TP53BP2: variants seen among roughly 807,000 people sequenced by gnomAD.
TP53BP2 encodes the protein tumor protein p53 binding protein 2, also known as apoptosis-stimulating of p53 protein 2.
In TP53BP2, 62 loss-of-function variants were observed where a neutral mutation model predicts 126.2. That is an observed-to-expected ratio of 0.49 (90% CI 0.40 to 0.61). The LOEUF (loss-of-function observed/expected upper bound fraction) is 0.61. Among genes scored for constraint, TP53BP2 ranks in the 20% least tolerant of loss-of-function variants. The pLI is 0.00. For synonymous variants in TP53BP2, 485 were observed against 502.9 expected (o/e 0.96, Z 0.48); for missense variants, 1,215 against 1,402.8 (o/e 0.87, Z 2.14).
intron 2 of TP53BP2, among the ~76,000 whole-genome samples, chr1:223,815,577 A>G (rs1663056860): frequency 6.6e-6 from 1 of 152,232 alleles, no homozygotes; most frequent in South Asian, 2.1e-4. Flanking sequence ...GGACTGCCCC[A>G]GAAAGATATG....
intron 1 of TP53BP2, among the ~76,000 whole-genome samples, chr1:223,829,595 T>C (rs1276158596): frequency 6.6e-6 from 1 of 152,044 alleles, no homozygotes; most frequent in East Asian, 1.9e-4. Context: ...CCAAGCAAAA[T>C]GGGGTTCCCT....
At chr1:223,809,684 T>C (rs1267993049) in intron 4 of TP53BP2, among the ~76,000 whole-genome samples, 1 of 152,194 alleles carries the variant, frequency 6.6e-6, no homozygotes, top group Non-Finnish European at 1.5e-5. Flanking sequence ...AATTCTACTA[T>C]AAATGTACTG....
intron 3 of TP53BP2, 103 bp downstream of exon 3, chr1:223,814,137 C>G: frequency 1.2e-6 from 1 of 802,038 alleles, no homozygotes; most frequent in Non-Finnish European, 2.1e-6. Context: ...CTAACCTCTC[C>G]TTCACCTCTC....
intron 16 of TP53BP2, among the ~76,000 whole-genome samples, chr1:223,787,925 C>T (rs1425483331): frequency 1.3e-5 from 2 of 151,684 alleles, no homozygotes; most frequent in African/African-American, 4.8e-5. Flanking sequence ...AAAAATTAGC[C>T]AGGTGTGGTG....
chr1:223,798,498 C>A lies in TP53BP2; in HGVS notation c.1665G>T (p.Gln555His). 5 of 1,614,172 alleles carry A rather than the reference C, an allele frequency of 3.1e-6. No individual in the cohort carries two copies. In the South Asian group the frequency reaches 5.5e-5, roughly 18 times the overall value. The change falls in exon 12 of 18, where the codon CAG becomes CAT. Residue 555 changes from glutamine to histidine, a missense_variant. Physicochemically the swap from Gln to His is conservative, Grantham distance 24. Coordinates refer to ENST00000343537, the MANE Select transcript of TP53BP2 (RefSeq NM_001031685.3). ...SMGTKPKPAG[Q>H]QPRVLLSPSI... is the part of the protein sequence containing the mutation. The stretch of plus-strand genomic sequence containing the variant: ...TGGGAGATAGCAGCACTCTCGGCTG[C>A]TGCCCTGCTGGTTTTGGTTTAGTTC...
At chr1:223,840,606 A>G (rs1664071344) in intron 1 of TP53BP2, among the ~76,000 whole-genome samples, 3 of 152,232 alleles carry the variant, frequency 2.0e-5, no homozygotes, top group African/African-American at 7.2e-5. Context: ...AAGACTTTTT[A>G]AAGAGTGCCA....
At chr1:223,795,685 A>C (rs925333265) in intron 13 of TP53BP2, 130 bp downstream of exon 13, 1 of 786,568 alleles carries the variant, frequency 1.3e-6, no homozygotes, top group South Asian at 3.9e-5. Flanking sequence ...GAAAACATTT[A>C]TAAGATCCAC....
At position 223,815,732 on chromosome 1, in the gene TP53BP2, G is replaced by A. The variant is rs186261020; in HGVS notation, c.176-1379C>T. Among the ~76,000 whole-genome samples the A allele has an allele frequency of 4.6e-5, 7 of 152,298 alleles. No homozygotes were observed. In the East Asian group the frequency reaches 1.4e-3, roughly 29 times the overall value. On this transcript the variant is annotated intron_variant, in intron 2 of 17. Transcript: ENST00000343537. The stretch of plus-strand genomic sequence containing the variant: ...ATGTGCCAGCCACACCTACGGTCAT[G>A]CACTGCATGTTGACAGTGGTCCCAT...
chr1:223,784,026 T>C (rs1178679597), intron 17 of TP53BP2, 89 bp downstream of exon 17: 2 of 1,128,290 alleles, frequency 1.8e-6, no homozygotes, highest in Admixed American at 3.5e-5. Flanking sequence ...AAAGGGCAGT[T>C]TGGTGCACTG....
At position 223,806,857 on chromosome 1, in the gene TP53BP2, G is replaced by C. The variant is rs761335127; in HGVS notation, c.463C>G (p.Leu155Val). ...AAGGACGATACTACCTTAGTTGCCA[G>C]CAATTGTTGCTGGGCTTCAATCTGT... Reference protein sequence around the residue: ...QQQIEAQQQLLATKEQRLKFL... With the variant: ...QQQIEAQQQLVATKEQRLKFL... Residue 155 changes from leucine to valine, a missense_variant, in exon 5 of 18, where the codon CTG (leucine) becomes GTG (valine). Leu to Val is a conservative substitution (Grantham distance 32, BLOSUM62 1). Transcript: ENST00000343537. 1.9e-6 allele frequency: 3 copies of C among 1,613,392 alleles called. No homozygotes were observed. The highest frequency in any genetic ancestry group is 2.5e-6 in the Non-Finnish European group (3 of 1,179,666).
In TP53BP2 at chr1:223,789,035, A is replaced by T; in HGVS notation, c.3136T>A (p.Tyr1046Asn). ...TAAAGAAATTGGGAGCACTGAGTGT[A>T]GCCTTCCTCCATTTCCTCGCACTTA... ...ADKCEEMEEG[Y>N]TQCSQFLYGV... The change falls in exon 16 of 18, where the codon TAC (tyrosine) becomes AAC (asparagine). Residue 1046 changes from tyrosine to asparagine, a missense_variant. This residue lies in a region of TP53BP2 where 151 missense variants were observed against 231.2 expected (regional missense o/e 0.65). Transcript: ENST00000343537. 6.2e-7 allele frequency: 1 copy of T among 1,614,180 alleles called. No homozygotes were observed. Among genetic ancestry groups the T allele is most frequent in the Non-Finnish European group, 8.5e-7 (1 of 1,180,006 alleles).
chr1:223,842,407 T>C (rs1182527175), intron 1 of TP53BP2, among the ~76,000 whole-genome samples: 2 of 152,232 alleles, frequency 1.3e-5, no homozygotes, highest in African/African-American at 4.8e-5. Context: ...TAGCCACATG[T>C]GGCTGGTGAC....
At chr1:223,825,222 T>C (rs184896106) in intron 1 of TP53BP2, among the ~76,000 whole-genome samples, 2 of 152,328 alleles carry the variant, frequency 1.3e-5, no homozygotes, top group Admixed American at 6.5e-5. Context: ...CGCCTAGAAC[T>C]GTGCTTGGTG....
intron 1 of TP53BP2, among the ~76,000 whole-genome samples, chr1:223,841,803 A>G (rs1664110153): frequency 6.6e-6 from 1 of 152,226 alleles, no homozygotes; most frequent in Non-Finnish European, 1.5e-5. Context: ...TGAAATAACT[A>G]GAAATAATTA....
At position 223,810,527 on chromosome 1, in the gene TP53BP2, T is replaced by C. The variant is rs1271000426; in HGVS notation, c.290-14A>G. 17 of 1,569,190 alleles carry C rather than the reference T, an allele frequency of 1.1e-5. No homozygotes were observed. Among genetic ancestry groups the C allele is most frequent in the Non-Finnish European group, 1.5e-5 (17 of 1,150,308 alleles). On this transcript the variant is annotated splice_polypyrimidine_tract_variant and intron_variant, in intron 3 of 17. Coordinates refer to ENST00000343537, the MANE Select transcript of TP53BP2 (RefSeq NM_001031685.3). ...TTGGTCCACTCACTAAGGACAAAATTCAAAAACTATGCATTAACACTAGAG... is the reference window on the plus strand; with the variant it reads ...TTGGTCCACTCACTAAGGACAAAATCCAAAAACTATGCATTAACACTAGAG...
intron 1 of TP53BP2, among the ~76,000 whole-genome samples, chr1:223,827,710 AG>A (rs1663548393): frequency 6.6e-6 from 1 of 152,244 alleles, no homozygotes; most frequent in South Asian, 2.1e-4. Context: ...AACTAACTAT[AG>A]ATATAAGTAT....
intron 1 of TP53BP2, among the ~76,000 whole-genome samples, chr1:223,840,904 C>T (rs1327391117): frequency 1.3e-5 from 2 of 152,178 alleles, no homozygotes; most frequent in African/African-American, 4.8e-5. Flanking sequence ...AATTTTCAAA[C>T]GTCTTTCAGC....
chr1:223,800,075 T>G, intron 10 of TP53BP2, 28 bp from the exon 11 acceptor site: 1 of 1,582,338 alleles, frequency 6.3e-7, no homozygotes, highest in Non-Finnish European at 8.6e-7. Context: ...ACAATGACAT[T>G]CAAACTGTTT....
At chr1:223,827,908 T>C (rs1471708515) in intron 1 of TP53BP2, among the ~76,000 whole-genome samples, 1 of 152,162 alleles carries the variant, frequency 6.6e-6, no homozygotes, top group African/African-American at 2.4e-5. Flanking sequence ...CATCCTTTTA[T>C]CTTTGTTTTA....
Sources: allele counts gnomAD v4.1 joint callset (sites outside exome capture counted in the v4.1 genomes callset), GRCh38; gene constraint gnomAD v4.1.1; regional missense constraint gnomAD v4.1.1; transcripts MANE v1.5; gene names NCBI Gene and HGNC (gene_info 2026-07-23, HGNC 2026-07-21).